ZMYM4: variants seen among roughly 807,000 people sequenced by gnomAD.
ZMYM4 encodes the protein zinc finger MYM-type containing 4.
Under a neutral mutation model 183.2 loss-of-function variants are expected in ZMYM4, and 31 were observed. The ratio of observed to expected loss-of-function variants is 0.17; its 90% CI spans 0.13 to 0.23. The LOEUF is 0.23. Among genes scored for constraint, ZMYM4 ranks in the 10% least tolerant of loss-of-function variants. ZMYM4 has a pLI of 1.00. For synonymous variants in ZMYM4, 592 were observed against 631.2 expected, an observed-to-expected ratio of 0.94 and a Z score of 0.93; for missense variants, 1,273 against 1,840.3, an observed-to-expected ratio of 0.69 and a Z score of 5.64.
intron 2 of ZMYM4, among the ~76,000 whole-genome samples, chr1:35,345,477 G>A (rs1219555091): frequency 1.3e-5 from 2 of 150,984 alleles, no homozygotes; most frequent in Non-Finnish European, 2.9e-5. Flanking sequence ...TTAAAGACAG[G>A]TTTTTACTCC....
At chr1:35,366,208 G>A (rs1036054051) in intron 5 of ZMYM4, 1 of 152,174 alleles carries the variant, frequency 6.6e-6, no homozygotes, top group African/African-American at 2.4e-5. Flanking sequence ...AAGGGTATCT[G>A]TAATAGTCAC....
At chr1:35,392,494 C>A in intron 16 of ZMYM4, 142 bp downstream of exon 16, 1 of 1,292,976 alleles carries the variant, frequency 7.7e-7, no homozygotes, top group Middle Eastern at 2.2e-4. Context: ...AGTTTCATAT[C>A]TCATACTTTA....
At chr1:35,293,003 C>CA (rs1640834519) in intron 1 of ZMYM4, among the ~76,000 whole-genome samples, 3 of 59,778 alleles carry the variant, frequency 5.0e-5, no homozygotes, top group African/African-American at 1.5e-4. Flanking sequence ...ATACCATTAA[C>CA]ATTTTTTTTT....
intron 1 of ZMYM4, among the ~76,000 whole-genome samples, chr1:35,301,101 T>TA (rs1007276523): frequency 6.6e-6 from 1 of 152,208 alleles, no homozygotes; most frequent in African/African-American, 2.4e-5. Context: ...AATAATAAGA[T>TA]AAACAAGTCT....
At chr1:35,344,900 T>C (rs1258143804) in intron 2 of ZMYM4, among the ~76,000 whole-genome samples, 1 of 152,172 alleles carries the variant, frequency 6.6e-6, no homozygotes, top group African/African-American at 2.4e-5. Flanking sequence ...ATAAGATGGG[T>C]TATTATTTCC....
chr1:35,290,702 G>A (rs1187272610), intron 1 of ZMYM4, among the ~76,000 whole-genome samples: 1 of 152,166 alleles, frequency 6.6e-6, no homozygotes, highest in Non-Finnish European at 1.5e-5. Context: ...AGTGTGTTGG[G>A]ATTATAGGAA....
At chr1:35,351,457 T>C in intron 2 of ZMYM4, 17 of 1,572,102 alleles carry the variant, frequency 1.1e-5, no homozygotes, top group Non-Finnish European at 1.5e-5. Flanking sequence ...CATGCTGCTA[T>C]ACGAGAGAAT....
At chr1:35,404,253 C>T (rs749668381) in intron 23 of ZMYM4, among the ~76,000 whole-genome samples, 42 of 151,902 alleles carry the variant, frequency 2.8e-4, no homozygotes, top group Admixed American at 2.6e-4. Flanking sequence ...TTTGTAGAGA[C>T]GGGGTCTTGC....
chr1:35,300,919 G>C (rs1159756991), intron 1 of ZMYM4, among the ~76,000 whole-genome samples: 1 of 151,964 alleles, frequency 6.6e-6, no homozygotes, highest in Admixed American at 6.6e-5. Context: ...GGCTGTTCTT[G>C]CTTCTTTGCA....
chr1:35,370,593 C>G lies in ZMYM4; in HGVS notation c.1147C>G (p.Pro383Ala), dbSNP rs753206556. Residue 383 changes from proline (P) to alanine (A), a missense_variant, in exon 7 of 30, where the codon CCT becomes GCT. Coordinates refer to ENST00000314607, the MANE Select transcript of ZMYM4 (RefSeq NM_005095.3). ...YTVPPARPPP[P>A]LTKKTCSSCS... Reference sequence around the variant, plus strand: ...AGTTCCACCTGCCCGCCCACCGCCTCCTCTCACCAAGAAAACTTGTTCAAG... The same window carrying G: ...AGTTCCACCTGCCCGCCCACCGCCTGCTCTCACCAAGAAAACTTGTTCAAG... 8.7e-6 allele frequency: 14 copies of G among 1,610,708 alleles called. No individual in the cohort carries two copies. The highest frequency in any genetic ancestry group is 3.3e-5 in the Admixed American group (2 of 59,842).
At chr1:35,400,658 A>T (rs1435360000) in intron 23 of ZMYM4, among the ~76,000 whole-genome samples, 1 of 152,156 alleles carries the variant, frequency 6.6e-6, no homozygotes, top group Non-Finnish European at 1.5e-5. Flanking sequence ...TTAAGTTCTG[A>T]GTGTACATTT....
intron 1 of ZMYM4, among the ~76,000 whole-genome samples, chr1:35,287,218 A>ATTTTTTTTTTTTTTTTT (rs57318032): frequency 7.4e-6 from 1 of 135,364 alleles, no homozygotes. Flanking sequence ...GTTTTACTTA[A>ATTTTTTTTTTTTTTTTT]TTTTTTTTTT....
intron 1 of ZMYM4, among the ~76,000 whole-genome samples, chr1:35,294,202 T>C (rs2148725215): frequency 6.6e-6 from 1 of 152,218 alleles, no homozygotes; most frequent in East Asian, 1.9e-4. Context: ...TCTCTTGAAA[T>C]TGACTGTGGC....
chr1:35,287,832 C>T (rs1640580439), intron 1 of ZMYM4, among the ~76,000 whole-genome samples: 1 of 152,114 alleles, frequency 6.6e-6, no homozygotes, highest in Middle Eastern at 3.2e-3. Flanking sequence ...TCTCGAACTC[C>T]TGACCTCGCG....
At chr1:35,331,791 A>AAAAT (rs562461345) in intron 2 of ZMYM4, among the ~76,000 whole-genome samples, 4,191 of 84,444 alleles carry the variant, frequency 0.05, 127 homozygotes, top group East Asian at 0.12. Context: ...CTCCATCTCA[A>AAAAT]AAATACATAA....
rs938275029 is a variant in ZMYM4, at chr1:35,321,958, A to T, written c.40-3402A>T. On this transcript the variant is annotated intron_variant, in intron 1 of 29. Coordinates refer to ENST00000314607, the MANE Select transcript of ZMYM4 (RefSeq NM_005095.3). ...AGATGACAACTGCAATATTGCATTT[A>T]AAAAAAAAAAAGCAGGAGGCAACCT... is the stretch of plus-strand genomic sequence containing the variant. Among the ~76,000 whole-genome samples, 7 of 142,994 alleles carry T rather than the reference A, an allele frequency of 4.9e-5. No individual in the cohort carries two copies. In the East Asian group the frequency reaches 1.4e-3, roughly 29 times the overall value. 93.8% of individuals were successfully genotyped at this position (142,994 alleles called of 152,430 possible). A position where few individuals can be genotyped will look rare whatever the true frequency, so the allele number is the denominator to read the frequency against.
At chr1:35,400,847 A>G (rs1644894867) in intron 23 of ZMYM4, among the ~76,000 whole-genome samples, 1 of 152,162 alleles carries the variant, frequency 6.6e-6, no homozygotes, top group Non-Finnish European at 1.5e-5. Context: ...GAAATTTCAC[A>G]TGAATGGAAT....
chr1:35,419,754 T>C lies in ZMYM4; in HGVS notation c.*77T>C. On this transcript the variant is annotated 3_prime_UTR_variant, in exon 30 of 30. Transcript: ENST00000314607. The stretch of plus-strand genomic sequence containing the variant: ...AATGCATCCAGCTGTTGGAAAATGA[T>C]GTATAAGTCTAAGTCCTCTTGACTT... 1 of 1,449,132 alleles carries C rather than the reference T, an allele frequency of 6.9e-7. No homozygotes were observed. Among genetic ancestry groups the C allele is most frequent in the Admixed American group, 1.8e-5 (1 of 54,158 alleles). The allele number at this position is 1,449,132 out of a possible 1,614,324, so 89.8% of individuals were successfully genotyped here.
intron 7 of ZMYM4, among the ~76,000 whole-genome samples, chr1:35,378,949 A>G (rs1403059592): frequency 3.3e-5 from 5 of 152,166 alleles, no homozygotes; most frequent in Non-Finnish European, 5.9e-5. Flanking sequence ...AAACTTCTGC[A>G]GCTTCTTTAC....
Sources: gnomAD v4.1 joint callset for allele counts (sites outside exome capture counted in the v4.1 genomes callset) on GRCh38, gnomAD v4.1.1 for gene constraint, MANE v1.5 for transcripts, NCBI Gene and HGNC (gene_info 2026-07-23, HGNC 2026-07-21) for gene names.